Variants in LRRC49 observed in about 807,000 individuals in gnomAD.
The protein encoded by LRRC49 is leucine-rich repeat-containing protein 49.
In LRRC49, 50 loss-of-function variants were observed where a neutral mutation model predicts 83.3. The observed-to-expected ratio is 0.60, with a 90% CI of 0.48 to 0.76. The LOEUF (loss-of-function observed/expected upper bound fraction) is 0.76. LRRC49 is among the 30% of genes least tolerant of loss of function. The pLI is 0.00. For missense variants in LRRC49, 704 were observed against 809.1 expected, an observed-to-expected ratio of 0.87 and a Z score of 1.58; for synonymous variants, 286 against 283.3, an observed-to-expected ratio of 1.01 and a Z score of -0.10.
intron 14 of LRRC49, among the ~76,000 whole-genome samples, chr15:71,036,563 G>T (rs1311243062): frequency 6.6e-6 from 1 of 152,166 alleles, no homozygotes; most frequent in Non-Finnish European, 1.5e-5. Context: ...AATCATGGCT[G>T]ATGGCTCTGT....
At chr15:70,853,529 G>A (rs1245041039) in intron 1 of LRRC49, 4 of 176,420 alleles carry the variant, frequency 2.3e-5, no homozygotes, top group Non-Finnish European at 2.4e-5. Context: ...TTGCGGCGAT[G>A]GGGAGGTGGT....
At chr15:71,021,165 T>A (rs1463151354) in intron 14 of LRRC49, among the ~76,000 whole-genome samples, 1 of 152,204 alleles carries the variant, frequency 6.6e-6, no homozygotes, top group Admixed American at 6.5e-5. Flanking sequence ...TTGGACAAGT[T>A]TGATATAGAT....
At chr15:71,008,040 G>C (rs1225435800) in intron 11 of LRRC49, among the ~76,000 whole-genome samples, 4 of 151,630 alleles carry the variant, frequency 2.6e-5, no homozygotes, top group Non-Finnish European at 1.5e-5. Context: ...TTTATAGATT[G>C]GGAAAACCTA....
chr15:70,984,903 G>A (rs912119241), intron 11 of LRRC49, among the ~76,000 whole-genome samples: 1 of 150,586 alleles, frequency 6.6e-6, no homozygotes, highest in African/African-American at 2.4e-5. Context: ...TCTTGCGATA[G>A]TTTACTGAGA....
At position 70,984,193 on chromosome 15, in the gene LRRC49, G is replaced by A; in HGVS notation, c.1105G>A (p.Asp369Asn). Residue 369 changes from aspartate to asparagine, a missense_variant, in exon 11 of 16, where the codon GAC becomes AAC. Asp to Asn is a conservative substitution (Grantham distance 23). Transcript: ENST00000260382. ...IATNEDRKDS[D>N]SPQDPCQIDG... ...TACAAATGAAGATAGAAAAGATTCT[G>A]ACTCTCCTCAGGACCCCTGTCAGAT... 1.2e-6 allele frequency: 2 copies of A among 1,613,464 alleles called. No individual in the cohort carries two copies. The highest frequency in any genetic ancestry group is 2.2e-5 in the East Asian group (1 of 44,826).
chr15:71,037,326 G>T lies in LRRC49; in HGVS notation c.1851G>T (p.Lys617Asn), dbSNP rs1335329823. ...NYTTRDFYNEKLEEIKEKKKF... is the reference protein window; with the variant it reads ...NYTTRDFYNENLEEIKEKKKF... ...CTACAAGAGACTTTTATAATGAAAA[G>T]CTAGAGGTAAAACTACTGTTAATCT... The change falls in exon 15 of 16, where the codon AAG (lysine) becomes AAT (asparagine). Residue 617 changes from lysine (K) to asparagine (N), a missense_variant. By Grantham distance (94) the Lys-to-Asn change is moderately conservative. Around this residue, in one of 3 missense-constraint regions of LRRC49, gnomAD observed 275 missense variants for 338.0 expected, o/e 0.81. Coordinates refer to ENST00000260382, the MANE Select transcript of LRRC49 (RefSeq NM_017691.5). 1 of 1,595,356 alleles carries T rather than the reference G, an allele frequency of 6.3e-7. No homozygotes were observed. The highest frequency in any genetic ancestry group is 1.8e-5 in the Admixed American group (1 of 55,716).
At chr15:70,875,321 A>G (rs2033129958) in intron 2 of LRRC49, among the ~76,000 whole-genome samples, 2 of 152,326 alleles carry the variant, frequency 1.3e-5, no homozygotes, top group East Asian at 1.9e-4. Flanking sequence ...ACTGGACATA[A>G]CTAAAGGCAG....
chr15:70,993,235 G>A (rs1311283106), intron 11 of LRRC49, among the ~76,000 whole-genome samples: 1 of 152,214 alleles, frequency 6.6e-6, no homozygotes, highest in Non-Finnish European at 1.5e-5. Flanking sequence ...TTGGAAAAGT[G>A]CTGTATTAGG....
rs1204755621 is a variant in LRRC49 at position 70,882,384 on chromosome 15, A to G, written c.18+9161A>G. ...TATCTTGAAGTGAAAGATTTACAAT[A>G]GCAAAGAGATAATTATGTGAGTAAA... On this transcript the variant is annotated intron_variant, in intron 2 of 16. Coordinates refer to the LRRC49 transcript ENST00000544974. 7 of 1,276,058 alleles carry G rather than the reference A, an allele frequency of 5.5e-6. No individual in the cohort carries two copies. In the East Asian group the frequency reaches 1.4e-4, roughly 25 times the overall value. The allele number at this position is 1,276,058 out of a possible 1,614,324, so 79.0% of individuals were successfully genotyped here. A position where few individuals can be genotyped will look rare whatever the true frequency, so the allele number is the denominator to read the frequency against.
chr15:70,979,802 C>T (rs1033815005), intron 9 of LRRC49, among the ~76,000 whole-genome samples: 2 of 152,036 alleles, frequency 1.3e-5, no homozygotes, highest in African/African-American at 2.4e-5. Context: ...GCACAGCGTA[C>T]AAAAGGAAAA....
rs571163273 is a variant in LRRC49 at position 70,990,777 on chromosome 15, G to T, written c.1169+6520G>T. 8.1e-4 allele frequency among the ~76,000 whole-genome samples: 124 copies of T among 152,274 alleles called. 3 individuals carry two copies. Among genetic ancestry groups the T allele is most frequent in the Admixed American group, 2.4e-3 (36 of 15,306 alleles). On this transcript the variant is annotated intron_variant, in intron 11 of 15. Transcript: ENST00000260382. ...GAGCTGTTCCTATTCGGCCATCTTG[G>T]CTCCAGCCAGAACCTTTCTTATAGG...
At chr15:70,946,097 T>A (rs2035999511) in intron 8 of LRRC49, among the ~76,000 whole-genome samples, 1 of 152,216 alleles carries the variant, frequency 6.6e-6, no homozygotes, top group African/African-American at 2.4e-5. Flanking sequence ...ACATTTAATG[T>A]CTTATTTAAA....
At chr15:70,980,236 C>CGT (rs756028409) in intron 10 of LRRC49, 52 bp downstream of exon 10, 1 of 1,292,700 alleles carries the variant, frequency 7.7e-7, no homozygotes, top group East Asian at 2.4e-5. Flanking sequence ...GACACACATA[C>CGT]CCCAAAGCCA....
chr15:70,876,471 G>C (rs1380826696), intron 2 of LRRC49, among the ~76,000 whole-genome samples: 4 of 152,100 alleles, frequency 2.6e-5, no homozygotes, highest in African/African-American at 7.2e-5. Context: ...GACATGCTTT[G>C]GTAGTATGCA....
intron 9 of LRRC49, among the ~76,000 whole-genome samples, chr15:70,968,630 T>A (rs1011397404): frequency 6.6e-6 from 1 of 152,136 alleles, no homozygotes; most frequent in Admixed American, 6.5e-5. Context: ...TTGTCCACAT[T>A]CTCTCCGGCA....
chr15:71,005,939 A>G (rs996833575), intron 11 of LRRC49, among the ~76,000 whole-genome samples: 3 of 152,206 alleles, frequency 2.0e-5, no homozygotes, highest in Admixed American at 2.0e-4. Flanking sequence ...ACACTTTCCC[A>G]GAGGAGCAAA....
At chr15:70,878,521 C>G (rs1222153089) in intron 2 of LRRC49, among the ~76,000 whole-genome samples, 1 of 152,178 alleles carries the variant, frequency 6.6e-6, no homozygotes, top group Non-Finnish European at 1.5e-5. Context: ...AATGGACATC[C>G]TCACATTTTT....
chr15:70,905,717 A>G (rs930324793), intron 5 of LRRC49, among the ~76,000 whole-genome samples: 4 of 152,180 alleles, frequency 2.6e-5, no homozygotes, highest in Admixed American at 6.5e-5. Flanking sequence ...TCTAATGGTA[A>G]TAAACTGGGG....
chr15:70,966,016 A>G (rs1407777470), intron 9 of LRRC49, among the ~76,000 whole-genome samples: 2 of 152,048 alleles, frequency 1.3e-5, no homozygotes, highest in Non-Finnish European at 2.9e-5. Flanking sequence ...TGTATTATCT[A>G]TGTTTGCTTT....
Sources: allele counts gnomAD v4.1 joint callset (sites outside exome capture counted in the v4.1 genomes callset), GRCh38; gene constraint gnomAD v4.1.1; regional missense constraint gnomAD v4.1.1; transcripts MANE v1.5; gene names NCBI Gene and HGNC (gene_info 2026-07-23, HGNC 2026-07-21).